MYLK3: variants seen among roughly 807,000 people sequenced by gnomAD.
The protein encoded by MYLK3 is myosin light chain kinase 3.
Under a neutral mutation model 76.3 loss-of-function variants are expected in MYLK3, and 55 were observed. That is an observed-to-expected ratio of 0.72 (90% CI 0.58 to 0.90). The LOEUF is 0.90. Among genes scored for constraint, MYLK3 ranks in the 40% least tolerant of loss-of-function variants. MYLK3 has a pLI of 0.00. For synonymous variants in MYLK3, 416 were observed against 425.4 expected (o/e 0.98, Z 0.27); for missense variants, 973 against 1,053.6 (o/e 0.92, Z 1.06).
At chr16:46,761,701 C>T (rs1389419051) in intron 1 of MYLK3, among the ~76,000 whole-genome samples, 1 of 151,596 alleles carries the variant, frequency 6.6e-6, no homozygotes, top group East Asian at 2.0e-4. Flanking sequence ...ACCTGTAATC[C>T]CAGCTACTCA....
intron 7 of MYLK3, 85 bp from the exon 8 acceptor site, chr16:46,727,462 C>G: frequency 6.9e-7 from 1 of 1,458,316 alleles, no homozygotes; most frequent in Non-Finnish European, 9.2e-7. Flanking sequence ...CCAAAAGAGG[C>G]CAGCCCGGGT....
chr16:46,722,424 T>C (rs1343711667), intron 8 of MYLK3, among the ~76,000 whole-genome samples: 2 of 152,166 alleles, frequency 1.3e-5, no homozygotes, highest in Non-Finnish European at 2.9e-5. Flanking sequence ...CCAAAGCAAA[T>C]GTCAGCTACT....
At chr16:46,742,622 G>A (rs974810496) in intron 1 of MYLK3, among the ~76,000 whole-genome samples, 1 of 152,162 alleles carries the variant, frequency 6.6e-6, no homozygotes, top group Non-Finnish European at 1.5e-5. Context: ...TCCACTGTTT[G>A]TCTACATCAT....
rs1026855961 is a variant in MYLK3 at position 46,702,738 on chromosome 16, G to A, written c.*4966C>T. On this transcript the variant is annotated 3_prime_UTR_variant, in exon 13 of 13. Transcript: ENST00000394809. The stretch of plus-strand genomic sequence containing the variant: ...AGATCGAGACCATCCTGGCCAGCAT[G>A]GTGAAAGCCCATCTCTACTAAAAAC... Among the ~76,000 whole-genome samples the A allele has an allele frequency of 6.6e-6, 1 of 152,070 alleles. No individual in the cohort carries two copies. Among genetic ancestry groups the A allele is most frequent in the African/African-American group, 2.4e-5 (1 of 41,408 alleles).
At chr16:46,756,502 G>T (rs1168503043) in intron 1 of MYLK3, among the ~76,000 whole-genome samples, 3 of 152,198 alleles carry the variant, frequency 2.0e-5, no homozygotes, top group Non-Finnish European at 4.4e-5. Flanking sequence ...ACAGGAGACG[G>T]GTTATCCAGA....
chr16:46,734,193 T>C (rs1196778841), intron 3 of MYLK3, among the ~76,000 whole-genome samples: 4 of 152,080 alleles, frequency 2.6e-5, no homozygotes, highest in African/African-American at 4.8e-5. Flanking sequence ...AGACAGAAGG[T>C]GGTGTCTACG....
intron 9 of MYLK3, among the ~76,000 whole-genome samples, chr16:46,714,514 C>T (rs1966717495): frequency 6.6e-6 from 1 of 152,176 alleles, no homozygotes; most frequent in Non-Finnish European, 1.5e-5. Flanking sequence ...ACCTGTCCCT[C>T]CCCTGCCCAG....
intron 9 of MYLK3, among the ~76,000 whole-genome samples, chr16:46,720,213 T>C (rs936063569): frequency 6.6e-6 from 1 of 152,142 alleles, no homozygotes; most frequent in Non-Finnish European, 1.5e-5. Context: ...GTTTACTTTA[T>C]TTATTATTTA....
In MYLK3 at chr16:46,732,596, G is replaced by A. The variant is rs917685957; in HGVS notation, c.1074C>T (p.Pro358=). 11 of 1,595,678 alleles carry A rather than the reference G, an allele frequency of 6.9e-6. No individual in the cohort carries two copies. The highest frequency in any genetic ancestry group is 4.4e-5 in the South Asian group (4 of 90,608). ...MLMTGRGSLG[P]TLTTEAPAAA... ...CTGCTGGAGCCTCTGTGGTGAGGGT[G>A]GGTCCAAGGCTGCCCCTGCCTGTCA... is the stretch of plus-strand genomic sequence containing the variant. Residue 358 remains proline, a synonymous_variant, in exon 4 of 13, where the codon CCC becomes CCT. Transcript: ENST00000394809.
chr16:46,761,769 G>T (rs1304707728), intron 1 of MYLK3, among the ~76,000 whole-genome samples: 1 of 152,168 alleles, frequency 6.6e-6, no homozygotes, highest in Non-Finnish European at 1.5e-5. Context: ...AGTGAGCTGA[G>T]ATTGCACCAC....
rs970106540 is a variant in MYLK3, at chr16:46,711,990, T to C, written c.2114+658A>G. On this transcript the variant is annotated intron_variant, in intron 10 of 12. Transcript: ENST00000394809. ...AAAAATTCAATGGCTCAAGCCATAA[T>C]TTTTTTTTTTTTTTTTTTGAGACAT... 0.021 allele frequency among the ~76,000 whole-genome samples: 9 copies of C among 436 alleles called. No individual in the cohort carries two copies. In the Middle Eastern group the frequency reaches 0.5, roughly 24 times the overall value. 0.3% of individuals were successfully genotyped at this position (436 alleles called of 152,430 possible).
intron 1 of MYLK3, among the ~76,000 whole-genome samples, chr16:46,755,982 A>G (rs1158042632): frequency 7.5e-6 from 1 of 134,136 alleles, no homozygotes; most frequent in Non-Finnish European, 1.5e-5. Flanking sequence ...ATCTTGGCTC[A>G]CTGCAACCTC....
chr16:46,757,457 G>A (rs1482914581), intron 1 of MYLK3: 5 of 985,356 alleles, frequency 5.1e-6, no homozygotes, highest in Non-Finnish European at 6.0e-6. Context: ...GCCCGCTGCT[G>A]GCCTCTGGTG....
intron 1 of MYLK3, among the ~76,000 whole-genome samples, chr16:46,758,381 G>A (rs892259589): frequency 6.6e-6 from 1 of 151,864 alleles, no homozygotes; most frequent in Non-Finnish European, 1.5e-5. Context: ...TGGCTGACGG[G>A]AAGGAGAGAC....
rs923490060 is a variant in MYLK3, at chr16:46,702,583, C to G, written c.*5121G>C. On this transcript the variant is annotated 3_prime_UTR_variant, in exon 13 of 13. Coordinates refer to ENST00000394809, the MANE Select transcript of MYLK3 (RefSeq NM_182493.3). ...TTGCTTGCTCAAATCAGGGTCAACA[C>G]AAGGTTCACACTTGACATTGAGTTG... is the stretch of plus-strand genomic sequence containing the variant. Among the ~76,000 whole-genome samples, 3 of 152,166 alleles carry G rather than the reference C, an allele frequency of 2.0e-5. No homozygotes were observed. The highest frequency in any genetic ancestry group is 7.2e-5 in the African/African-American group (3 of 41,426).
At chr16:46,744,029 AATTTT>A (rs896300126) in intron 1 of MYLK3, among the ~76,000 whole-genome samples, 2 of 152,056 alleles carry the variant, frequency 1.3e-5, no homozygotes, top group Non-Finnish European at 2.9e-5. Context: ...ATAAACTGTA[AATTTT>A]ATTTTATTTT....
Position 46,710,632 on chromosome 16 carries a change from G to T in MYLK3, c.2267+5C>A. ...GGCCCATGAGTGACAAGCAATGAAA[G>T]GTACCTCTTCTCTTTGACCAGCAAC... On this transcript the variant is annotated splice_donor_5th_base_variant and intron_variant, in intron 11 of 12. Coordinates refer to ENST00000394809, the MANE Select transcript of MYLK3 (RefSeq NM_182493.3). The T allele has an allele frequency of 6.2e-7, 1 of 1,614,086 alleles. No homozygotes were observed. The highest frequency in any genetic ancestry group is 8.5e-7 in the Non-Finnish European group (1 of 1,180,018).
intron 9 of MYLK3, among the ~76,000 whole-genome samples, chr16:46,720,711 A>G (rs535517159): frequency 3.9e-5 from 6 of 152,030 alleles, no homozygotes; most frequent in Admixed American, 1.3e-4. Flanking sequence ...TCACATACTC[A>G]CTTTTTGTAT....
At chr16:46,738,349 A>G (rs1966883445) in intron 2 of MYLK3, among the ~76,000 whole-genome samples, 1 of 152,232 alleles carries the variant, frequency 6.6e-6, no homozygotes, top group Admixed American at 6.5e-5. Context: ...GGAGAAATTA[A>G]TATCTCTATG....
Sources: gnomAD v4.1 joint callset for allele counts (sites outside exome capture counted in the v4.1 genomes callset) on GRCh38, gnomAD v4.1.1 for gene constraint, MANE v1.5 for transcripts, NCBI Gene and HGNC (gene_info 2026-07-23, HGNC 2026-07-21) for gene names.